Variants in SLC5A9 observed in about 807,000 individuals in gnomAD.
SLC5A9 encodes solute carrier family 5 member 9.
A neutral mutation model predicts 70.9 loss-of-function variants in SLC5A9; 59 were observed. The ratio of observed to expected loss-of-function variants is 0.83; its 90% CI spans 0.68 to 1.03. SLC5A9 has a LOEUF of 1.03. Ranked by LOEUF, SLC5A9 falls within the 50% of genes least tolerant of loss-of-function variation. The pLI is 0.00. For missense variants in SLC5A9, 832 were observed against 881.1 expected (o/e 0.94, Z 0.71); for synonymous variants, 340 against 346.5 (o/e 0.98, Z 0.21).
Position 48,247,364 on chromosome 1 carries a change from T to C in SLC5A9, c.1867T>C (p.Trp623Arg), listed in dbSNP as rs1457223742. ...APSRSWGKLLWSWFCGLSGTP... is the reference protein window; with the variant it reads ...APSRSWGKLLRSWFCGLSGTP... ...AAGCAGGTCCTGGGGAAAGTTGCTCTGGAGCTGGTTCTGTGGGCTCTCTGG... is the reference window on the plus strand; with the variant it reads ...AAGCAGGTCCTGGGGAAAGTTGCTCCGGAGCTGGTTCTGTGGGCTCTCTGG... The change falls in exon 14 of 14, where the codon TGG (tryptophan) becomes CGG (arginine). Residue 623 changes from tryptophan (W) to arginine (R), a missense_variant. Trp to Arg is a moderately radical substitution (Grantham distance 101). Transcript: ENST00000438567. The C allele has an allele frequency of 7.4e-6, 12 of 1,614,136 alleles. No homozygotes were observed. Among genetic ancestry groups the C allele is most frequent in the Non-Finnish European group, 1.0e-5 (12 of 1,180,014 alleles).
intron 13 of SLC5A9, among the ~76,000 whole-genome samples, chr1:48,246,010 T>C (rs1644456606): frequency 6.6e-6 from 1 of 151,530 alleles, no homozygotes; most frequent in Non-Finnish European, 1.5e-5. Flanking sequence ...ATGAAAAATA[T>C]TTAAAGGACA....
At chr1:48,234,390 C>A (rs1242456930) in intron 9 of SLC5A9, among the ~76,000 whole-genome samples, 4 of 152,286 alleles carry the variant, frequency 2.6e-5, no homozygotes, top group Non-Finnish European at 4.4e-5. Flanking sequence ...TCAGAGAGAG[C>A]ATGACTGGAT....
chr1:48,223,811 C>T lies in SLC5A9; in HGVS notation c.162+913C>T, dbSNP rs183495319. On this transcript the variant is annotated intron_variant, in intron 1 of 13. Coordinates refer to ENST00000438567, the MANE Select transcript of SLC5A9 (RefSeq NM_001011547.3). ...TTGGGCTAACAGATGGTCACTGGCT[C>T]CTGGAAGTGGCCAGCCGAGAAAAGC... is the stretch of plus-strand genomic sequence containing the variant. Among the ~76,000 whole-genome samples the T allele has an allele frequency of 7.2e-5, 11 of 152,224 alleles. 1 individual carries two copies. The highest frequency in any genetic ancestry group is 2.1e-4 in the South Asian group (1 of 4,824).
chr1:48,232,782 C>T (rs1644268670), intron 8 of SLC5A9, among the ~76,000 whole-genome samples: 1 of 143,454 alleles, frequency 7.0e-6, no homozygotes, highest in African/African-American at 2.6e-5. Flanking sequence ...CAAGAGAAAC[C>T]CTATTGAAAA....
In SLC5A9 at chr1:48,231,572, A is replaced by G. The variant is rs780749249; in HGVS notation, c.638A>G (p.Asp213Gly). Reference protein sequence around the residue: ...AGGLMAVIYTDALQTVIMVGG... With the variant: ...AGGLMAVIYTGALQTVIMVGG... ...GGCCTCATGGCCGTGATCTACACAGATGCTCTGCAGACGGTGATCATGGTA... is the reference window on the plus strand; with the variant it reads ...GGCCTCATGGCCGTGATCTACACAGGTGCTCTGCAGACGGTGATCATGGTA... The change falls in exon 6 of 14, where the codon GAT becomes GGT. Residue 213 changes from aspartate (D) to glycine (G), a missense_variant. By Grantham distance (94) the Asp-to-Gly change is moderately conservative. Coordinates refer to ENST00000438567, the MANE Select transcript of SLC5A9 (RefSeq NM_001011547.3). 6.2e-7 allele frequency: 1 copy of G among 1,614,152 alleles called. No homozygotes were observed. Among genetic ancestry groups the G allele is most frequent in the Non-Finnish European group, 8.5e-7 (1 of 1,180,004 alleles).
chr1:48,224,854 A>G, intron 2 of SLC5A9, 59 bp downstream of exon 2: 1 of 1,495,554 alleles, frequency 6.7e-7, no homozygotes, highest in African/African-American at 1.4e-5. Flanking sequence ...CTTCCTCCCC[A>G]CTATCCAAGC....
At chr1:48,224,335 A>G (rs1644113198) in intron 1 of SLC5A9, among the ~76,000 whole-genome samples, 1 of 152,208 alleles carries the variant, frequency 6.6e-6, no homozygotes, top group Non-Finnish European at 1.5e-5. Flanking sequence ...AGCTGGGAGC[A>G]GGGAGGGGAT....
chr1:48,243,431 A>T (rs1234952626), intron 13 of SLC5A9, among the ~76,000 whole-genome samples: 1 of 152,234 alleles, frequency 6.6e-6, no homozygotes, highest in Non-Finnish European at 1.5e-5. Flanking sequence ...AATCTACTCC[A>T]AGGCCACACA....
intron 2 of SLC5A9, among the ~76,000 whole-genome samples, chr1:48,227,382 AGAGT>A (rs1446727236): frequency 9.3e-5 from 6 of 64,332 alleles, no homozygotes; most frequent in African/African-American, 2.8e-4. Context: ...TGCATGTGTG[AGAGT>A]GTGTGTGTAC....
At chr1:48,244,579 A>C (rs911644418) in intron 13 of SLC5A9, among the ~76,000 whole-genome samples, 5 of 150,872 alleles carry the variant, frequency 3.3e-5, no homozygotes. Flanking sequence ...ATAATGATGG[A>C]TATAATTTTT....
intron 12 of SLC5A9, chr1:48,241,038 T>A (rs1458295852): frequency 6.6e-6 from 1 of 152,294 alleles, no homozygotes; most frequent in Admixed American, 6.5e-5. Context: ...CCCCTAGGTT[T>A]TGTTTTTTTG....
intron 13 of SLC5A9, among the ~76,000 whole-genome samples, chr1:48,244,440 T>C (rs1298221456): frequency 1.3e-5 from 2 of 152,088 alleles, no homozygotes; most frequent in Non-Finnish European, 2.9e-5. Context: ...GCCTTGATTC[T>C]AGAGAAACAG....
rs755228113 is a variant in SLC5A9 at position 48,232,480 on chromosome 1, G to T, written c.1011G>T (p.Met337Ile). Residue 337 changes from methionine to isoleucine, a missense_variant, in exon 8 of 14, where the codon ATG (methionine) becomes ATT (isoleucine). By Grantham distance (10) the Met-to-Ile change is conservative (BLOSUM62 1). Transcript: ENST00000438567. ...LPMFFIVMPG[M>I]ISRALFPDEV... Reference sequence around the variant, plus strand: ...TGTTCTTCATCGTCATGCCTGGCATGATCAGCCGGGCCCTGTTCCCAGGTA... The same window carrying T: ...TGTTCTTCATCGTCATGCCTGGCATTATCAGCCGGGCCCTGTTCCCAGGTA... 2 of 1,614,208 alleles carry T rather than the reference G, an allele frequency of 1.2e-6. No homozygotes were observed. The highest frequency in any genetic ancestry group is 2.2e-5 in the South Asian group (2 of 91,078).
chr1:48,233,894 AAC>A, intron 9 of SLC5A9, 132 bp downstream of exon 9: 1 of 678,882 alleles, frequency 1.5e-6, no homozygotes, highest in Admixed American at 2.2e-5. Context: ...CCCCCATCCC[AAC>A]ACATACACAC....
chr1:48,231,190 G>A (rs1202467502), intron 5 of SLC5A9, among the ~76,000 whole-genome samples: 2 of 152,144 alleles, frequency 1.3e-5, no homozygotes, highest in African/African-American at 4.8e-5. Flanking sequence ...AGACAGGGGG[G>A]CATTTAGATG....
chr1:48,225,124 G>A (rs960581671), intron 2 of SLC5A9, among the ~76,000 whole-genome samples: 3 of 152,108 alleles, frequency 2.0e-5, no homozygotes, highest in African/African-American at 4.8e-5. Flanking sequence ...AACATCATGC[G>A]CACTGCTGAG....
intron 6 of SLC5A9, 134 bp from the exon 7 acceptor site, chr1:48,231,812 G>A (rs1385564471): frequency 6.6e-7 from 1 of 1,523,132 alleles, no homozygotes; most frequent in African/African-American, 1.4e-5. Flanking sequence ...TTGAGCCCAA[G>A]CCCCATCTTC....
In SLC5A9 at chr1:48,244,878, G is replaced by GTATATATATATATATATATATA. The variant is rs756117312; in HGVS notation, c.1837+2273_1837+2294dup. ...TGTGTGTGTGTATGTATGTGTATGT[G>GTATATATATATATATATATATA]TATATATATATATATATATATATAT... On this transcript the variant is annotated intron_variant, in intron 13 of 13. Transcript: ENST00000438567. Among the ~76,000 whole-genome samples the GTATATATATATATATATATATA allele has an allele frequency of 2.4e-4, 7 of 29,400 alleles. 2 individuals are homozygous for GTATATATATATATATATATATA. Among genetic ancestry groups the GTATATATATATATATATATATA allele is most frequent in the Admixed American group, 7.0e-4 (1 of 1,438 alleles). 19.3% of individuals were successfully genotyped at this position (29,400 alleles called of 152,430 possible).
At position 48,237,846 on chromosome 1, in the gene SLC5A9, C is replaced by T; in HGVS notation, c.1460C>T (p.Pro487Leu). ...ATCTTCTGCAAGAGGGTCACAGAGC[C>T]CGTGAGTGCAGTGTACCTGTCTCTC... Reference protein sequence around the residue: ...LAIFCKRVTEPGAFWGLVFGL... With the variant: ...LAIFCKRVTELGAFWGLVFGL... Residue 487 changes from proline to leucine, a missense_variant and splice_region_variant, in exon 11 of 14, where the codon CCC becomes CTC. Pro to Leu is a moderately conservative substitution (Grantham distance 98). Transcript: ENST00000438567. The T allele has an allele frequency of 1.2e-6, 2 of 1,614,044 alleles. No homozygotes were observed. Among genetic ancestry groups the T allele is most frequent in the South Asian group, 1.1e-5 (1 of 91,060 alleles).
Sources: allele counts gnomAD v4.1 joint callset (sites outside exome capture counted in the v4.1 genomes callset), GRCh38; gene constraint gnomAD v4.1.1; transcripts MANE v1.5; gene names NCBI Gene and HGNC (gene_info 2026-07-23, HGNC 2026-07-21).